ZNF746: variants seen among roughly 807,000 people sequenced by gnomAD.
ZNF746 encodes the protein zinc finger protein 746.
In ZNF746, 13 loss-of-function variants were observed where a neutral mutation model predicts 41.0. The observed-to-expected ratio is 0.32, with a 90% CI of 0.21 to 0.50. The LOEUF is 0.50. Ranked by LOEUF, ZNF746 falls within the 20% of genes least tolerant of loss-of-function variation. The pLI is 0.98. For synonymous variants in ZNF746, 424 were observed against 396.2 expected, an observed-to-expected ratio of 1.07 and a Z score of -0.83; for missense variants, 811 against 922.9, an observed-to-expected ratio of 0.88 and a Z score of 1.57.
At chr7:149,478,785 T>A (rs533877951) in intron 4 of ZNF746, among the ~76,000 whole-genome samples, 126 of 152,292 alleles carry the variant, frequency 8.3e-4, no homozygotes, top group African/African-American at 2.7e-3. Context: ...AAGAACAGAA[T>A]CTTTAAGGCA....
In ZNF746 at chr7:149,474,967, C is replaced by G; in HGVS notation, c.1400G>C (p.Arg467Pro). 6.5e-7 allele frequency: 1 copy of G among 1,548,008 alleles called. No individual in the cohort carries two copies. The highest frequency in any genetic ancestry group is 8.7e-7 in the Non-Finnish European group (1 of 1,146,648). Reference sequence around the variant, plus strand: ...CCCACACGTGGCGCAGGTGAAGGGCCGGCCCCCGGGGGGCGCCGCGGGGTG... The same window carrying G: ...CCCACACGTGGCGCAGGTGAAGGGCGGGCCCCCGGGGGGCGCCGCGGGGTG... ...KKHPAAPPGG[R>P]PFTCATCGKS... The change falls in exon 7 of 7, where the codon CGG becomes CCG. Residue 467 changes from arginine to proline, a missense_variant. By Grantham distance (103) the Arg-to-Pro change is moderately radical. Around this residue, in one of 4 missense-constraint regions of ZNF746, gnomAD observed 495 missense variants for 481.6 expected, o/e 1.03. Coordinates refer to ENST00000458143, the MANE Select transcript of ZNF746 (RefSeq NM_001394198.1). The surrounding 1 kb of genome is among the most constrained non-coding windows in gnomAD (Gnocchi z 6.3).
Position 149,494,172 on chromosome 7 carries a change from G to A in ZNF746, c.324+32C>T. The A allele has an allele frequency of 6.2e-7, 1 of 1,613,684 alleles. No homozygotes were observed. Among genetic ancestry groups the A allele is most frequent in the Non-Finnish European group, 8.5e-7 (1 of 1,179,668 alleles). On this transcript the variant is annotated intron_variant, in intron 2 of 6. Transcript: ENST00000458143. The surrounding 1 kb of genome is among the most constrained non-coding windows in gnomAD (Gnocchi z 5.6). ...ACACGCTCACGGGTTTGGCCGCTTG[G>A]GCTCCCACACCCCAAGGCGTCCCAG...
chr7:149,479,426 G>A (rs1300753963), intron 4 of ZNF746, among the ~76,000 whole-genome samples: 1 of 152,114 alleles, frequency 6.6e-6, no homozygotes, highest in Non-Finnish European at 1.5e-5. Context: ...ACAAACTAGA[G>A]GGGTAGTATA....
intron 4 of ZNF746, chr7:149,491,693 A>G (rs991297197): frequency 1.0e-5 from 6 of 576,400 alleles, no homozygotes; most frequent in Non-Finnish European, 1.9e-5. Flanking sequence ...TTAATTTCAC[A>G]CAAGTGGCGC....
chr7:149,491,984 G>A (rs1800823463), intron 4 of ZNF746: 1 of 702,866 alleles, frequency 1.4e-6, no homozygotes, highest in Non-Finnish European at 2.6e-6. Flanking sequence ...AAATAAATGT[G>A]TGCTTCTAAT....
intron 4 of ZNF746, among the ~76,000 whole-genome samples, chr7:149,484,638 T>C (rs1211495293): frequency 6.6e-6 from 1 of 152,144 alleles, no homozygotes; most frequent in Non-Finnish European, 1.5e-5. Context: ...GTTATCATCA[T>C]TTCTATTTAA....
rs1305525505 is a variant in ZNF746, at chr7:149,494,603, T to C, written c.25-100A>G. The stretch of plus-strand genomic sequence containing the variant: ...ACGGGGGAGTTGGGCTGGGAGTCCA[T>C]ATGTGTGGACAAGTGGGGCTATCCT... On this transcript the variant is annotated intron_variant, in intron 1 of 6. Coordinates refer to ENST00000458143, the MANE Select transcript of ZNF746 (RefSeq NM_001394198.1). The surrounding 1 kb of genome is among the most constrained non-coding windows in gnomAD (Gnocchi z 5.6). 7.1e-7 allele frequency: 1 copy of C among 1,401,046 alleles called. No homozygotes were observed. The highest frequency in any genetic ancestry group is 1.9e-5 in the Admixed American group (1 of 52,194). The allele number at this position is 1,401,046 out of a possible 1,614,324, so 86.8% of individuals were successfully genotyped here. A position where few individuals can be genotyped will look rare whatever the true frequency, so the allele number is the denominator to read the frequency against.
chr7:149,496,220 G>A (rs1255243289), intron 1 of ZNF746, among the ~76,000 whole-genome samples: 1 of 152,240 alleles, frequency 6.6e-6, no homozygotes, highest in Non-Finnish European at 1.5e-5. Context: ...TTTACTCATG[G>A]ACAACAAGGT....
chr7:149,477,786 C>T, intron 4 of ZNF746, 31 bp from the exon 5 acceptor site: 2 of 1,556,284 alleles, frequency 1.3e-6, no homozygotes, highest in Non-Finnish European at 1.7e-6. Flanking sequence ...GAGGATACAG[C>T]ATCACGGCCC....
chr7:149,484,318 T>C (rs1192957605), intron 4 of ZNF746, among the ~76,000 whole-genome samples: 1 of 152,200 alleles, frequency 6.6e-6, no homozygotes, highest in Non-Finnish European at 1.5e-5. Flanking sequence ...CATACAGCAA[T>C]GTTCATAAAG....
Position 149,497,504 on chromosome 7 carries a change from C to A in ZNF746, c.24+9G>T, listed in dbSNP as rs1349329799. On this transcript the variant is annotated intron_variant, in intron 1 of 6. Coordinates refer to ENST00000458143, the MANE Select transcript of ZNF746 (RefSeq NM_001394198.1). This position sits in a 1 kb window ranked among gnomAD's most constrained non-coding sequence, Gnocchi z 4.2. ...GCCGCGAGTCCCTGCGCGCGCGGGT[C>A]GCCCTTACCGGAGCCGCGACCGCCT... is the stretch of plus-strand genomic sequence containing the variant. The A allele has an allele frequency of 1.8e-6, 2 of 1,100,526 alleles. No individual in the cohort carries two copies. The highest frequency in any genetic ancestry group is 6.5e-5 in the East Asian group (1 of 15,488). The allele number at this position is 1,100,526 out of a possible 1,614,324, so 68.2% of individuals were successfully genotyped here. A position where few individuals can be genotyped will look rare whatever the true frequency, so the allele number is the denominator to read the frequency against.
intron 4 of ZNF746, among the ~76,000 whole-genome samples, chr7:149,487,142 C>G (rs1347496034): frequency 1.3e-5 from 2 of 152,196 alleles, no homozygotes; most frequent in Non-Finnish European, 2.9e-5. Context: ...CTGGGTCACA[C>G]TCCCTTCTTA....
chr7:149,478,800 C>T (rs1312005588), intron 4 of ZNF746, among the ~76,000 whole-genome samples: 1 of 152,126 alleles, frequency 6.6e-6, no homozygotes, highest in African/African-American at 2.4e-5. Flanking sequence ...AAGGCAAGAA[C>T]AGCAAATTAT....
At position 149,479,534 on chromosome 7, in the gene ZNF746, GAA is replaced by G. The variant is rs1346700637; in HGVS notation, c.566-1781_566-1780del. On this transcript the variant is annotated intron_variant, in intron 4 of 6. Coordinates refer to ENST00000458143, the MANE Select transcript of ZNF746 (RefSeq NM_001394198.1). ...AACTCAGCAATATATTTTCAAAAAA[GAA>G]AAAGACATATTATGAACACATTGGG... Among the ~76,000 whole-genome samples, 26 of 152,268 alleles carry G rather than the reference GAA, an allele frequency of 1.7e-4. 2 individuals carry two copies. In the South Asian group the frequency reaches 5.4e-3, roughly 32 times the overall value.
intron 4 of ZNF746, 55 bp from the exon 5 acceptor site, chr7:149,477,810 C>T: frequency 1.4e-6 from 2 of 1,438,128 alleles, no homozygotes; most frequent in Non-Finnish European, 1.9e-6. Flanking sequence ...AGCCCTGGGG[C>T]ATACACGCAT....
intron 4 of ZNF746, among the ~76,000 whole-genome samples, chr7:149,483,412 T>A (rs920579297): frequency 2.6e-5 from 4 of 151,944 alleles, no homozygotes; most frequent in African/African-American, 9.7e-5. Flanking sequence ...ATCGAGATGA[T>A]CCTGGCCAAC....
intron 4 of ZNF746, among the ~76,000 whole-genome samples, 163 bp downstream of exon 4, chr7:149,492,695 TA>T (rs1800843978): frequency 6.6e-6 from 1 of 152,224 alleles, no homozygotes; most frequent in African/African-American, 2.4e-5. Flanking sequence ...ATTAGCTGAC[TA>T]AGTTAGAGAT....
Position 149,475,189 on chromosome 7 carries a change from AC to A in ZNF746, c.1177del (p.Val393SerfsTer15). On this transcript the variant is annotated frameshift_variant, in exon 7 of 7. Transcript: ENST00000458143. LOFTEE classifies it low-confidence loss of function (END_TRUNC). ...ACACCGGAAATTCCAGCCCCACCGGACCCCTCCGAAGAGCCAGTCCCCAGGA... is the reference window on the plus strand; with the variant it reads ...ACACCGGAAATTCCAGCCCCACCGGACCCTCCGAAGAGCCAGTCCCCAGGA... The part of the protein sequence containing the change: ...TPPGDWLFGG[V>X]RWGWNFRCKP... The A allele has an allele frequency of 6.2e-7, 1 of 1,611,838 alleles. No homozygotes were observed. The highest frequency in any genetic ancestry group is 8.5e-7 in the Non-Finnish European group (1 of 1,179,532).
At chr7:149,483,275 G>A (rs1800531808) in intron 4 of ZNF746, among the ~76,000 whole-genome samples, 1 of 152,044 alleles carries the variant, frequency 6.6e-6, no homozygotes, top group Non-Finnish European at 1.5e-5. Flanking sequence ...AGCTACAATG[G>A]TACTTAGAGG....
Sources: gnomAD v4.1 joint callset for allele counts (sites outside exome capture counted in the v4.1 genomes callset) on GRCh38, gnomAD v4.1.1 for gene constraint, gnomAD v4.1.1 regional missense constraint, Gnocchi (gnomAD v3.1) non-coding constraint, MANE v1.5 for transcripts, NCBI Gene and HGNC (gene_info 2026-07-23, HGNC 2026-07-21) for gene names.